Variants in PDE3A observed in about 807,000 individuals in gnomAD.
PDE3A encodes phosphodiesterase 3A.
In PDE3A, 43 loss-of-function variants were observed where a neutral mutation model predicts 98.3. That is an observed-to-expected ratio of 0.44 (90% CI 0.34 to 0.56). The LOEUF is 0.56. Ranked by LOEUF, PDE3A falls within the 20% of genes least tolerant of loss-of-function variation. The pLI is 0.01. For missense variants in PDE3A, 1,427 were observed against 1,440.7 expected (o/e 0.99, Z 0.15); for synonymous variants, 663 against 567.9 (o/e 1.17, Z -2.38).
At position 20,617,862 on chromosome 12, in the gene PDE3A, G is replaced by T. The variant is rs549203970; in HGVS notation, c.1424+1478G>T. ...CTTAGTCAATTAAATGAACTTGAGG[G>T]TTTAAATTGAAATGATGACAAGGAA... is the stretch of plus-strand genomic sequence containing the variant. On this transcript the variant is annotated intron_variant, in intron 4 of 15. Coordinates refer to ENST00000359062, the MANE Select transcript of PDE3A (RefSeq NM_000921.5). 1.8e-3 allele frequency among the ~76,000 whole-genome samples: 272 copies of T among 152,142 alleles called. 1 individual carries two copies. Among genetic ancestry groups the T allele is most frequent in the Middle Eastern group, 0.01 (3 of 292 alleles).
intron 1 of PDE3A, among the ~76,000 whole-genome samples, chr12:20,468,043 T>C (rs1945374265): frequency 6.6e-6 from 1 of 150,976 alleles, no homozygotes; most frequent in East Asian, 2.0e-4. Flanking sequence ...ACATTTTCTT[T>C]TTGTAGCCAG....
intron 8 of PDE3A, among the ~76,000 whole-genome samples, chr12:20,635,492 C>T (rs370240819): frequency 1.4e-4 from 21 of 151,804 alleles, no homozygotes; most frequent in African/African-American, 5.1e-4. Flanking sequence ...GCAGTAGAAT[C>T]GCTTGAACCC....
At chr12:20,634,774 GGA>G in intron 7 of PDE3A, 126 bp from the exon 8 acceptor site, 5 of 681,012 alleles carry the variant, frequency 7.3e-6, no homozygotes, top group South Asian at 3.3e-5. Context: ...CTATGTTCTT[GGA>G]GTGCTCAGGA....
chr12:20,499,844 A>G (rs1945990165), intron 1 of PDE3A, among the ~76,000 whole-genome samples: 1 of 152,230 alleles, frequency 6.6e-6, no homozygotes, highest in African/African-American at 2.4e-5. Flanking sequence ...TCTGAGTGGT[A>G]ACGAAGGTCA....
At chr12:20,634,786 A>G in intron 7 of PDE3A, 116 bp from the exon 8 acceptor site, 2 of 722,718 alleles carry the variant, frequency 2.8e-6, no homozygotes, top group Admixed American at 2.2e-5. Context: ...AGTGCTCAGG[A>G]AAGCAGTATT....
At chr12:20,542,750 T>C (rs546739890) in intron 1 of PDE3A, among the ~76,000 whole-genome samples, 1 of 152,134 alleles carries the variant, frequency 6.6e-6, no homozygotes, top group Admixed American at 6.6e-5. Context: ...GGATTTCCAA[T>C]TTTTTCTAAG....
At chr12:20,411,154 G>T (rs1944325778) in intron 1 of PDE3A, among the ~76,000 whole-genome samples, 1 of 152,054 alleles carries the variant, frequency 6.6e-6, no homozygotes, top group Non-Finnish European at 1.5e-5. Flanking sequence ...ACATAACAAA[G>T]TTTACCATCT....
rs71442249 is a variant in PDE3A at position 20,475,178 on chromosome 12, AGTGTGTGTGTGTGT to A, written c.961-81455_961-81442del. Reference sequence around the variant, plus strand: ...TGTAGGAGAGGAAAAAATGTGTGTGAGTGTGTGTGTGTGTGTGTGTGTGTGTGTGTGTGTGTGTG... The same window carrying A: ...TGTAGGAGAGGAAAAAATGTGTGTGAGTGTGTGTGTGTGTGTGTGTGTGTG... On this transcript the variant is annotated intron_variant, in intron 1 of 15. Coordinates refer to ENST00000359062, the MANE Select transcript of PDE3A (RefSeq NM_000921.5). Among the ~76,000 whole-genome samples the A allele has an allele frequency of 3.8e-3, 348 of 92,492 alleles. 1 individual carries two copies. Among genetic ancestry groups the A allele is most frequent in the South Asian group, 6.1e-3 (14 of 2,308 alleles). The allele number at this position is 92,492 out of a possible 152,430, so 60.7% of individuals were successfully genotyped here.
intron 5 of PDE3A, among the ~76,000 whole-genome samples, chr12:20,626,191 G>T (rs1173780466): frequency 1.4e-5 from 2 of 147,464 alleles, no homozygotes; most frequent in Non-Finnish European, 2.9e-5. Flanking sequence ...TCCTCTTTCT[G>T]TATCTGAAAT....
chr12:20,386,019 AT>A (rs1362747445), intron 1 of PDE3A, among the ~76,000 whole-genome samples: 6 of 79,242 alleles, frequency 7.6e-5, no homozygotes, highest in Non-Finnish European at 1.1e-4. Flanking sequence ...TATATATAAA[AT>A]ATATATATAA....
chr12:20,451,131 G>T (rs1361338750), intron 1 of PDE3A, among the ~76,000 whole-genome samples: 1 of 152,134 alleles, frequency 6.6e-6, no homozygotes, highest in Non-Finnish European at 1.5e-5. Context: ...TTGATCACTT[G>T]CAAAAGGCTC....
In PDE3A at chr12:20,489,244, T is replaced by C. The variant is rs143610050; in HGVS notation, c.961-67416T>C. 4.8e-4 allele frequency among the ~76,000 whole-genome samples: 73 copies of C among 152,330 alleles called. 1 individual carries two copies. The East Asian group carries it at 0.013, about 27-fold the overall frequency. On this transcript the variant is annotated intron_variant, in intron 1 of 15. Transcript: ENST00000359062. ...TTGCGTGCATGGACAAGAGAATGGA[T>C]GCATTCATTTTGTTGTTTCTAGAGA...
chr12:20,389,443 T>C (rs1386307356), intron 1 of PDE3A, among the ~76,000 whole-genome samples: 2 of 152,012 alleles, frequency 1.3e-5, no homozygotes, highest in African/African-American at 4.8e-5. Context: ...AGAGTGCCAG[T>C]ACTTACTAGT....
At chr12:20,674,487 T>C (rs1261216320) in intron 15 of PDE3A, among the ~76,000 whole-genome samples, 1 of 152,194 alleles carries the variant, frequency 6.6e-6, no homozygotes, top group African/African-American at 2.4e-5. Context: ...TTTTTAGTTT[T>C]TATCATGAAG....
At chr12:20,523,245 T>C (rs12423118) in intron 1 of PDE3A, among the ~76,000 whole-genome samples, 31,721 of 152,060 alleles carry the variant, frequency 0.21, 4,075 homozygotes, top group East Asian at 0.57. Context: ...CACAGGTCCC[T>C]CTTGACTTTC....
intron 9 of PDE3A, among the ~76,000 whole-genome samples, chr12:20,638,127 A>T (rs1027086448): frequency 6.6e-6 from 1 of 151,786 alleles, no homozygotes; most frequent in Admixed American, 6.6e-5. Flanking sequence ...TCTGCAAAAC[A>T]ATAGAAGAGA....
intron 1 of PDE3A, among the ~76,000 whole-genome samples, chr12:20,485,858 A>T (rs1436073093): frequency 6.6e-6 from 1 of 152,206 alleles, no homozygotes; most frequent in East Asian, 1.9e-4. Context: ...ATTAGCAAAA[A>T]ATAAAACAAA....
At chr12:20,526,884 CTGTGTG>C (rs71039949) in intron 1 of PDE3A, among the ~76,000 whole-genome samples, 33,720 of 136,670 alleles carry the variant, frequency 0.25, 4,181 homozygotes, top group Non-Finnish European at 0.29. Context: ...ACATTTTTTT[CTGTGTG>C]TGTGTGTGTG....
intron 1 of PDE3A, among the ~76,000 whole-genome samples, chr12:20,442,213 G>A (rs989011579): frequency 3.3e-5 from 5 of 152,128 alleles, no homozygotes. Flanking sequence ...ATTATGTAAT[G>A]TATTTTTTAC....
Sources: allele counts gnomAD v4.1 joint callset (sites outside exome capture counted in the v4.1 genomes callset), GRCh38; gene constraint gnomAD v4.1.1; transcripts MANE v1.5; gene names NCBI Gene and HGNC (gene_info 2026-07-23, HGNC 2026-07-21).